SHQ1: variants seen among roughly 807,000 people sequenced by gnomAD.
SHQ1 encodes the protein SHQ1, H/ACA ribonucleoprotein assembly factor, also known as protein SHQ1 homolog.
SHQ1 carries 49 observed loss-of-function variants against 53.8 expected under a neutral mutation model. The observed-to-expected ratio is 0.91, with a 90% CI of 0.72 to 1.16. The LOEUF (loss-of-function observed/expected upper bound fraction) is 1.16. Ranked by LOEUF, SHQ1 falls within the 50% of genes most tolerant of loss-of-function variation. SHQ1 has a pLI of 0.00. For missense variants in SHQ1, 738 were observed against 683.1 expected, an observed-to-expected ratio of 1.08 and a Z score of -0.90; for synonymous variants, 243 against 251.0, an observed-to-expected ratio of 0.97 and a Z score of 0.30.
chr3:72,743,346 C>T, the SHQ1 span, among the ~76,000 whole-genome samples: 1 of 152,168 alleles, frequency 6.6e-6, no homozygotes, highest in African/African-American at 2.4e-5. Context: ...TATTCTCTAC[C>T]AACTAATCTT....
chr3:72,767,369 A>G (rs895979521), intron 10 of SHQ1, among the ~76,000 whole-genome samples: 1 of 152,166 alleles, frequency 6.6e-6, no homozygotes, highest in Non-Finnish European at 1.5e-5. Flanking sequence ...CTGGGTAACT[A>G]AAGAGTTGAT....
chr3:72,727,315 GC>G, the SHQ1 span, among the ~76,000 whole-genome samples: 1 of 152,080 alleles, frequency 6.6e-6, no homozygotes, highest in Admixed American at 6.5e-5. Context: ...CCATGCGGCT[GC>G]CCCCTCCCAA....
intron 4 of SHQ1, among the ~76,000 whole-genome samples, chr3:72,837,007 A>G (rs1163835057): frequency 2.0e-5 from 3 of 152,184 alleles, no homozygotes; most frequent in African/African-American, 7.2e-5. Context: ...TGTGTAGCCA[A>G]AAGGACAGGG....
intron 9 of SHQ1, among the ~76,000 whole-genome samples, chr3:72,805,164 C>T (rs915769471): frequency 2.0e-5 from 3 of 150,668 alleles, no homozygotes; most frequent in African/African-American, 7.3e-5. Context: ...AAAAGAAAAA[C>T]AAAAAAAAAT....
intron 10 of SHQ1, among the ~76,000 whole-genome samples, chr3:72,765,557 A>ATATTTTTTT (rs1491527508): frequency 2.3e-4 from 13 of 57,182 alleles, no homozygotes; most frequent in African/African-American, 1.0e-3. Context: ...ATATATATAT[A>ATATTTTTTT]TTTTTTTTTT....
rs199722090 is a variant in SHQ1 at position 72,841,014 on chromosome 3, T to C, written c.486+31A>G. 6.0e-5 allele frequency: 95 copies of C among 1,578,342 alleles called. No homozygotes were observed. In the African/African-American group the frequency reaches 7.3e-4, roughly 12 times the overall value. On this transcript the variant is annotated intron_variant, in intron 4 of 10. Coordinates refer to ENST00000325599, the MANE Select transcript of SHQ1 (RefSeq NM_018130.3). Reference sequence around the variant, plus strand: ...AAAATATCCAAATGGAAAAACCCTATAGATCAAGATCTTTCAGAAAGACAA... The same window carrying C: ...AAAATATCCAAATGGAAAAACCCTACAGATCAAGATCTTTCAGAAAGACAA...
At chr3:72,821,369 C>T (rs1453095300) in intron 6 of SHQ1, among the ~76,000 whole-genome samples, 1 of 152,184 alleles carries the variant, frequency 6.6e-6, no homozygotes, top group African/African-American at 2.4e-5. Flanking sequence ...TGAGTTCATC[C>T]TCATGAAACC....
chr3:72,838,402 C>T (rs1420809199), intron 4 of SHQ1, among the ~76,000 whole-genome samples: 1 of 152,212 alleles, frequency 6.6e-6, no homozygotes, highest in Non-Finnish European at 1.5e-5. Context: ...AAAAGCAATG[C>T]TCTTGCAATT....
At chr3:72,806,503 A>G (rs958082955) in intron 9 of SHQ1, among the ~76,000 whole-genome samples, 1 of 152,220 alleles carries the variant, frequency 6.6e-6, no homozygotes, top group Non-Finnish European at 1.5e-5. Context: ...AGGAATTACA[A>G]TCTCCCGGGT....
At chr3:72,761,579 G>A (rs889846286) in intron 10 of SHQ1, among the ~76,000 whole-genome samples, 3 of 152,180 alleles carry the variant, frequency 2.0e-5, no homozygotes, top group Non-Finnish European at 2.9e-5. Context: ...AAGGACAAAG[G>A]TTCCTTGACA....
chr3:72,726,154 T>A, the SHQ1 span, among the ~76,000 whole-genome samples: 2 of 152,226 alleles, frequency 1.3e-5, no homozygotes, highest in South Asian at 4.1e-4. Flanking sequence ...ATAAAGAAAC[T>A]GAGGCACCAG....
chr3:72,734,963 G>A, the SHQ1 span, among the ~76,000 whole-genome samples: 1 of 151,574 alleles, frequency 6.6e-6, no homozygotes, highest in Non-Finnish European at 1.5e-5. Flanking sequence ...CTGTGGAATG[G>A]GAGTGCCAGG....
At chr3:72,767,286 GC>G (rs1705750653) in intron 10 of SHQ1, among the ~76,000 whole-genome samples, 1 of 152,196 alleles carries the variant, frequency 6.6e-6, no homozygotes, top group Non-Finnish European at 1.5e-5. Context: ...TCCCTGATTA[GC>G]CAGAGCTCCT....
chr3:72,833,399 C>A (rs149808827), intron 4 of SHQ1, among the ~76,000 whole-genome samples: 2,390 of 152,082 alleles, frequency 0.016, 53 homozygotes, highest in African/African-American at 0.053. Flanking sequence ...CAAGATCATG[C>A]CACTGCACTC....
intron 8 of SHQ1, 35 bp downstream of exon 8, chr3:72,815,315 A>G (rs781110962): frequency 6.3e-7 from 1 of 1,589,504 alleles, no homozygotes; most frequent in Admixed American, 1.7e-5. Context: ...CTTCCTGAAC[A>G]ACAAATTCTA....
downstream of SHQ1, among the ~76,000 whole-genome samples, chr3:72,744,933 G>GGGT (rs1705232100): frequency 2.1e-5 from 3 of 143,948 alleles, no homozygotes; most frequent in African/African-American, 7.6e-5. Context: ...TGGGGGGGGG[G>GGGT]GGTGGTTTCT....
rs771372594 is a variant in SHQ1 at position 72,817,272 on chromosome 3, C to T, written c.840G>A (p.Leu280=). Residue 280 remains leucine (L), a synonymous_variant, in exon 7 of 11, where the codon CTG becomes CTA. Transcript: ENST00000325599. ...TGACACGGGTTTCATAGCAATATGC[C>T]AGAAGGATATCAATCAAACTGTAGC... ...QVCYSLIDIL[L]AYCYETRVTE... The T allele has an allele frequency of 5.6e-6, 9 of 1,613,756 alleles. No homozygotes were observed. Among genetic ancestry groups the T allele is most frequent in the Admixed American group, 5.0e-5 (3 of 59,972 alleles).
chr3:72,830,012 C>A (rs912963685), intron 5 of SHQ1, among the ~76,000 whole-genome samples: 3 of 151,652 alleles, frequency 2.0e-5, no homozygotes, highest in Non-Finnish European at 2.9e-5. Flanking sequence ...AAAAATAATA[C>A]CCCAAAGGAA....
At chr3:72,808,443 T>C (rs1575709900) in intron 9 of SHQ1, among the ~76,000 whole-genome samples, 1 of 152,040 alleles carries the variant, frequency 6.6e-6, no homozygotes. Context: ...AGATCTGGAG[T>C]CAAATCTAGG....
Sources: allele counts gnomAD v4.1 joint callset (sites outside exome capture counted in the v4.1 genomes callset), GRCh38; gene constraint gnomAD v4.1.1; transcripts MANE v1.5; gene names NCBI Gene and HGNC (gene_info 2026-07-23, HGNC 2026-07-21).